Variants in SEMA3E observed in about 807,000 individuals in gnomAD.
The protein encoded by SEMA3E is semaphorin-3E.
Under a neutral mutation model 93.6 loss-of-function variants are expected in SEMA3E, and 49 were observed. The ratio of observed to expected loss-of-function variants is 0.52; its 90% CI spans 0.42 to 0.66. The LOEUF is 0.66. Ranked by LOEUF, SEMA3E falls within the 30% of genes least tolerant of loss-of-function variation. The pLI is 0.00. For synonymous variants in SEMA3E, 363 were observed against 330.7 expected (o/e 1.10, Z -1.06); for missense variants, 906 against 964.8 (o/e 0.94, Z 0.81).
At chr7:83,460,183 C>T (rs1584262810) in intron 4 of SEMA3E, among the ~76,000 whole-genome samples, 2 of 152,190 alleles carry the variant, frequency 1.3e-5, no homozygotes, top group Non-Finnish European at 2.9e-5. Context: ...TCCTCCTGTT[C>T]TTTGCTCCAT....
intron 1 of SEMA3E, among the ~76,000 whole-genome samples, chr7:83,587,590 TA>T (rs1403561778): frequency 3.9e-5 from 6 of 152,250 alleles, no homozygotes; most frequent in Non-Finnish European, 8.8e-5. Flanking sequence ...CTCGGGCCTG[TA>T]ATCTCAGCAC....
chr7:83,597,671 C>T (rs561395660), intron 1 of SEMA3E, among the ~76,000 whole-genome samples: 6 of 152,214 alleles, frequency 3.9e-5, no homozygotes, highest in Admixed American at 2.6e-4. Context: ...ATAGATTCAG[C>T]GTGTATAAAT....
intron 1 of SEMA3E, among the ~76,000 whole-genome samples, chr7:83,627,387 C>T (rs2115656827): frequency 6.6e-6 from 1 of 152,156 alleles, no homozygotes; most frequent in East Asian, 1.9e-4. Context: ...CTGGGAACTC[C>T]TCTATTAGGT....
rs1296337014 is a variant in SEMA3E at position 83,385,446 on chromosome 7, C to T, written c.1736-13G>A. The stretch of plus-strand genomic sequence containing the variant: ...TCCAAAGCATCCCCTACAACAGGAA[C>T]ATTAATGCCATCTTTGAGACTTAGA... On this transcript the variant is annotated splice_polypyrimidine_tract_variant and intron_variant, in intron 15 of 16. Coordinates refer to ENST00000643230, the MANE Select transcript of SEMA3E (RefSeq NM_012431.3). The T allele has an allele frequency of 3.1e-6, 5 of 1,612,770 alleles. No homozygotes were observed. Among genetic ancestry groups the T allele is most frequent in the Non-Finnish European group, 4.2e-6 (5 of 1,179,000 alleles).
intron 1 of SEMA3E, among the ~76,000 whole-genome samples, chr7:83,608,430 T>C (rs146041586): frequency 0.023 from 3,434 of 152,274 alleles, 128 homozygotes; most frequent in African/African-American, 0.078. Context: ...CCTACTACTC[T>C]TTCAGAACTA....
At chr7:83,474,211 C>G (rs551280920) in intron 2 of SEMA3E, among the ~76,000 whole-genome samples, 1 of 151,540 alleles carries the variant, frequency 6.6e-6, no homozygotes, top group African/African-American at 2.4e-5. Flanking sequence ...AGAGGCTTGT[C>G]ACTTAACTTA....
At chr7:83,496,488 A>T (rs1790493558) in intron 1 of SEMA3E, among the ~76,000 whole-genome samples, 1 of 152,032 alleles carries the variant, frequency 6.6e-6, no homozygotes, top group South Asian at 2.1e-4. Context: ...TATTTTATAA[A>T]CTATCCGAAA....
At chr7:83,516,714 A>G (rs1207039722) in intron 1 of SEMA3E, among the ~76,000 whole-genome samples, 2 of 152,150 alleles carry the variant, frequency 1.3e-5, no homozygotes, top group African/African-American at 2.4e-5. Flanking sequence ...GTTAATATTC[A>G]ACATTAGTGG....
intron 4 of SEMA3E, among the ~76,000 whole-genome samples, chr7:83,457,454 T>C (rs553987011): frequency 1.4e-4 from 22 of 152,222 alleles, no homozygotes; most frequent in Non-Finnish European, 3.1e-4. Context: ...AAGAACTTTG[T>C]ATTTCTTCCC....
chr7:83,491,653 A>G (rs1193319809), intron 1 of SEMA3E, among the ~76,000 whole-genome samples: 1 of 152,030 alleles, frequency 6.6e-6, no homozygotes, highest in African/African-American at 2.4e-5. Flanking sequence ...GAGGTTTGCC[A>G]GATTCTGACA....
rs773551184 is a variant in SEMA3E, at chr7:83,363,432, C to G, written c.*4154G>C. ...ATCAGTGAAAAGAAAGAATATGGCA[C>G]ACACTGTTATGAACCCAGCCAAGCA... On this transcript the variant is annotated 3_prime_UTR_variant, in exon 17 of 17. Transcript: ENST00000643230. The G allele has an allele frequency of 6.6e-6, 1 of 152,090 alleles. No homozygotes were observed. Among genetic ancestry groups the G allele is most frequent in the Non-Finnish European group, 1.5e-5 (1 of 68,032 alleles). The allele number at this position is 152,090 out of a possible 1,614,324, so 9.4% of individuals were successfully genotyped here. A position where few individuals can be genotyped will look rare whatever the true frequency, so the allele number is the denominator to read the frequency against.
intron 1 of SEMA3E, among the ~76,000 whole-genome samples, chr7:83,609,803 C>A (rs1463207251): frequency 6.6e-6 from 1 of 151,808 alleles, no homozygotes; most frequent in African/African-American, 2.4e-5. Flanking sequence ...GTTAACTAAA[C>A]AAATTATTTT....
chr7:83,562,331 T>C (rs565131035), intron 1 of SEMA3E, among the ~76,000 whole-genome samples: 1 of 152,182 alleles, frequency 6.6e-6, no homozygotes, highest in African/African-American at 2.4e-5. Context: ...ATAAACTGCA[T>C]TTGTATAATG....
intron 5 of SEMA3E, among the ~76,000 whole-genome samples, chr7:83,410,333 G>T (rs1193425662): frequency 2.6e-5 from 4 of 151,938 alleles, no homozygotes; most frequent in Non-Finnish European, 5.9e-5. Flanking sequence ...AAATTTTCAA[G>T]ATCACAGAGT....
chr7:83,395,044 G>T (rs967478277), intron 12 of SEMA3E, among the ~76,000 whole-genome samples: 3 of 152,182 alleles, frequency 2.0e-5, no homozygotes, highest in Non-Finnish European at 4.4e-5. Flanking sequence ...TGTTTGTTAA[G>T]AGGGAACATT....
chr7:83,505,746 T>C (rs989090103), intron 1 of SEMA3E, among the ~76,000 whole-genome samples: 15 of 152,064 alleles, frequency 9.9e-5, no homozygotes, highest in Non-Finnish European at 1.9e-4. Flanking sequence ...CCGGGCACAG[T>C]GGCTCATGCC....
At chr7:83,524,002 CATT>C (rs1360979302) in intron 1 of SEMA3E, among the ~76,000 whole-genome samples, 1 of 151,980 alleles carries the variant, frequency 6.6e-6, no homozygotes, top group Non-Finnish European at 1.5e-5. Flanking sequence ...AACAGAGAAA[CATT>C]ATATTTGCTC....
intron 14 of SEMA3E, among the ~76,000 whole-genome samples, chr7:83,387,419 ATTTATTGAG>A (rs1045241975): frequency 7.9e-5 from 12 of 152,180 alleles, no homozygotes; most frequent in Admixed American, 3.9e-4. Flanking sequence ...GAAGTAAAGT[ATTTATTGAG>A]TACAAAACAG....
intron 1 of SEMA3E, among the ~76,000 whole-genome samples, chr7:83,495,184 GTTCA>G (rs1054876949): frequency 2.0e-5 from 3 of 151,746 alleles, no homozygotes; most frequent in Admixed American, 6.6e-5. Context: ...ATGTTTAGAT[GTTCA>G]TTCATATATA....
Sources: gnomAD v4.1 joint callset for allele counts (sites outside exome capture counted in the v4.1 genomes callset) on GRCh38, gnomAD v4.1.1 for gene constraint, MANE v1.5 for transcripts, NCBI Gene and HGNC (gene_info 2026-07-23, HGNC 2026-07-21) for gene names.